The following INSR variants were observed in gnomAD, a reference collection of about 807,000 sequenced individuals.
INSR encodes the protein IR.
INSR carries 67 observed loss-of-function variants against 142.6 expected under a neutral mutation model. The observed-to-expected ratio is 0.47, with a 90% confidence interval of 0.39 to 0.58. INSR has a LOEUF of 0.58. INSR is among the 20% of genes least tolerant of loss of function. The pLI is 0.00. For missense variants in INSR, 1,248 were observed against 1,833.2 expected, an observed-to-expected ratio of 0.68 and a Z score of 5.83; for synonymous variants, 756 against 743.1, an observed-to-expected ratio of 1.02 and a Z score of -0.28.
intron 14 of INSR, among the ~76,000 whole-genome samples, chr19:7,129,364 A>G (rs1366850708): frequency 1.3e-5 from 2 of 151,956 alleles, no homozygotes; most frequent in African/African-American, 4.8e-5. Context: ...TTGCTCTGAC[A>G]CCCAGGCTAG....
chr19:7,284,881 A>G (rs1968306759), intron 1 of INSR, among the ~76,000 whole-genome samples: 1 of 152,198 alleles, frequency 6.6e-6, no homozygotes, highest in Non-Finnish European at 1.5e-5. Flanking sequence ...TAAGGGCTGA[A>G]GCAAGAAGGT....
At chr19:7,180,092 A>G (rs896835945) in intron 3 of INSR, among the ~76,000 whole-genome samples, 2 of 152,218 alleles carry the variant, frequency 1.3e-5, no homozygotes, top group African/African-American at 4.8e-5. Context: ...CCCAGGCCAG[A>G]CAAACCTTCA....
intron 3 of INSR, among the ~76,000 whole-genome samples, chr19:7,181,786 G>T (rs1599954793): frequency 6.6e-6 from 1 of 151,182 alleles, no homozygotes; most frequent in African/African-American, 2.4e-5. Context: ...TCACCGTGGT[G>T]GCCAGGCTGA....
intron 1 of INSR, among the ~76,000 whole-genome samples, chr19:7,289,405 CTTTTTT>C (rs777933899): frequency 7.7e-6 from 1 of 130,220 alleles, no homozygotes; most frequent in African/African-American, 2.6e-5. Flanking sequence ...TTTTTCTTTT[CTTTTTT>C]TTTTTTTTTT....
chr19:7,265,735 CAAA>C (rs34734343), intron 2 of INSR, among the ~76,000 whole-genome samples: 35,075 of 133,522 alleles, frequency 0.26, 4,635 homozygotes, highest in South Asian at 0.38. Context: ...AACTCCATCT[CAAA>C]AAAAAAAAAA....
Position 7,128,860 on chromosome 19 carries a change from C to T in INSR, c.2937G>A (p.Leu979=), listed in dbSNP as rs1229424045. 1 of 1,611,798 alleles carries T rather than the reference C, an allele frequency of 6.2e-7. No individual in the cohort carries two copies. Among genetic ancestry groups the T allele is most frequent in the Non-Finnish European group, 8.5e-7 (1 of 1,178,050 alleles). The change falls in exon 15 of 22, where the codon CTG becomes CTA. Residue 979 remains leucine (L), a synonymous_variant. Coordinates refer to ENST00000302850, the MANE Select transcript of INSR (RefSeq NM_000208.4). ...SVVIGSIYLF[L]RKRQPDGPLG... The stretch of plus-strand genomic sequence containing the variant: ...GAACTCACTGAACTCACCTCTTTCT[C>T]AGGAATAGATAAATACTTCCAATCA...
At chr19:7,240,981 C>G (rs2145149951) in intron 2 of INSR, among the ~76,000 whole-genome samples, 1 of 152,136 alleles carries the variant, frequency 6.6e-6, no homozygotes, top group Non-Finnish European at 1.5e-5. Context: ...GGATACTGAA[C>G]CTGTATCTGG....
chr19:7,128,313 G>A (rs1599877256), intron 15 of INSR, among the ~76,000 whole-genome samples: 2 of 151,586 alleles, frequency 1.3e-5, no homozygotes, highest in East Asian at 3.9e-4. Flanking sequence ...CCAGGGTTCA[G>A]TAATTCTCCT....
intron 13 of INSR, among the ~76,000 whole-genome samples, chr19:7,140,861 CTG>C (rs1300148022): frequency 6.6e-6 from 1 of 150,424 alleles, no homozygotes; most frequent in Non-Finnish European, 1.5e-5. Flanking sequence ...ATGAGATACT[CTG>C]TGTAACGTGC....
intron 2 of INSR, among the ~76,000 whole-genome samples, chr19:7,184,892 G>C (rs995257534): frequency 3.9e-5 from 6 of 151,970 alleles, no homozygotes; most frequent in African/African-American, 9.7e-5. Context: ...CTGAGGGAGG[G>C]GCCCAGGGAG....
At chr19:7,169,272 T>C (rs1021575887) in intron 6 of INSR, among the ~76,000 whole-genome samples, 1 of 151,996 alleles carries the variant, frequency 6.6e-6, no homozygotes, top group African/African-American at 2.4e-5. Flanking sequence ...CACGCTATTG[T>C]CAAAAGGCTC....
chr19:7,227,296 A>G (rs1456462921), intron 2 of INSR, among the ~76,000 whole-genome samples: 1 of 151,180 alleles, frequency 6.6e-6, no homozygotes, highest in Non-Finnish European at 1.5e-5. Flanking sequence ...TTTTAAAGAC[A>G]GGGTCTGGCT....
intron 1 of INSR, among the ~76,000 whole-genome samples, chr19:7,293,194 G>C (rs529840849): frequency 6.6e-6 from 1 of 151,226 alleles, no homozygotes; most frequent in East Asian, 1.9e-4. Flanking sequence ...TGTTGCTAAG[G>C]CTTTAGAATT....
In INSR at chr19:7,119,679, CGCAA is replaced by C; in HGVS notation, c.3660-100_3660-97del. 3 of 1,363,486 alleles carry C rather than the reference CGCAA, an allele frequency of 2.2e-6. No homozygotes were observed. The highest frequency in any genetic ancestry group is 3.1e-6 in the Non-Finnish European group (3 of 968,804). 84.5% of individuals were successfully genotyped at this position (1,363,486 alleles called of 1,614,324 possible). ...ACACACACGCAAACGCACACACACA[CGCAA>C]ACACACATGCCAACACATACATGCA... On this transcript the variant is annotated intron_variant, in intron 20 of 21. Transcript: ENST00000302850. This position sits in a 1 kb window ranked among gnomAD's most constrained non-coding sequence, Gnocchi z 5.2.
intron 4 of INSR, 97 bp from the exon 5 acceptor site, chr19:7,172,531 G>T: frequency 7.6e-7 from 1 of 1,313,580 alleles, no homozygotes; most frequent in South Asian, 1.2e-5. Flanking sequence ...GGCTGCAAAT[G>T]ACTGGACATA....
rs1600073767 is a variant in INSR at position 7,236,173 on chromosome 19, G to A, written c.652+31172C>T. 3.5e-5 allele frequency among the ~76,000 whole-genome samples: 4 copies of A among 114,944 alleles called. No homozygotes were observed. In the East Asian group the frequency reaches 8.0e-4, roughly 23 times the overall value. The allele number at this position is 114,944 out of a possible 152,430, so 75.4% of individuals were successfully genotyped here. A position where few individuals can be genotyped will look rare whatever the true frequency, so the allele number is the denominator to read the frequency against. Reference sequence around the variant, plus strand: ...GACGGGGTTTCACCACGTTGGCCAGGCTGGTCTTGAACTGCTGACCTCAAG... The same window carrying A: ...GACGGGGTTTCACCACGTTGGCCAGACTGGTCTTGAACTGCTGACCTCAAG... On this transcript the variant is annotated intron_variant, in intron 2 of 21. Coordinates refer to ENST00000302850, the MANE Select transcript of INSR (RefSeq NM_000208.4).
chr19:7,142,790 C>G, intron 12 of INSR, 26 bp downstream of exon 12: 1 of 1,613,194 alleles, frequency 6.2e-7, no homozygotes, highest in South Asian at 1.1e-5. Context: ...ACCCATGACA[C>G]TCGGACCCCG....
intron 3 of INSR, 64 bp downstream of exon 3, chr19:7,184,252 G>T (rs1381623114): frequency 2.1e-6 from 3 of 1,457,108 alleles, no homozygotes; most frequent in Non-Finnish European, 2.9e-6. Flanking sequence ...AAGCGGCATC[G>T]TCACAACCAA....
chr19:7,230,976 G>A (rs1056760068), intron 2 of INSR, among the ~76,000 whole-genome samples: 16 of 152,194 alleles, frequency 1.1e-4, no homozygotes, highest in Non-Finnish European at 2.1e-4. Context: ...CCAAGGAGGC[G>A]CGTGTCTACA....
Sources: allele counts gnomAD v4.1 joint callset (sites outside exome capture counted in the v4.1 genomes callset), GRCh38; gene constraint gnomAD v4.1.1; non-coding constraint Gnocchi (gnomAD v3.1); transcripts MANE v1.5; gene names NCBI Gene and HGNC (gene_info 2026-07-23, HGNC 2026-07-21).